The following CNTN4 variants were observed in gnomAD, a reference collection of about 807,000 sequenced individuals.
The protein encoded by CNTN4 is contactin-4.
Under a neutral mutation model 122.5 loss-of-function variants are expected in CNTN4, and 77 were observed. The observed-to-expected ratio is 0.63, with a 90% CI of 0.52 to 0.76. The LOEUF (loss-of-function observed/expected upper bound fraction) is 0.76, where lower values mean the gene tolerates loss of function less well. CNTN4 is among the 30% of genes least tolerant of loss of function. The probability of loss-of-function intolerance (pLI) is 0.00; values close to 1 mark genes in which losing one functional copy is unlikely to be tolerated. For synonymous variants in CNTN4, 512 were observed against 447.0 expected (o/e 1.15, Z -1.83); for missense variants, 1,256 against 1,259.1 (o/e 1.00, Z 0.04).
At chr3:2,529,301 T>C (rs1272672458) in intron 3 of CNTN4, among the ~76,000 whole-genome samples, 1 of 152,184 alleles carries the variant, frequency 6.6e-6, no homozygotes, top group African/African-American at 2.4e-5. Context: ...TTTTTATGGC[T>C]GAATAGTATT....
intron 6 of CNTN4, among the ~76,000 whole-genome samples, chr3:2,778,003 A>T (rs1276906199): frequency 6.6e-6 from 1 of 151,798 alleles, no homozygotes; most frequent in Admixed American, 6.6e-5. Context: ...TCATGAGGTC[A>T]GGAGATCGAG....
intron 13 of CNTN4, among the ~76,000 whole-genome samples, chr3:2,955,452 C>A (rs7645441): frequency 6.6e-6 from 1 of 152,288 alleles, no homozygotes; most frequent in African/African-American, 2.4e-5. Flanking sequence ...GTGTCATCCT[C>A]ATTACCACAA....
chr3:2,766,119 T>C (rs2090846364), intron 6 of CNTN4, among the ~76,000 whole-genome samples: 1 of 152,082 alleles, frequency 6.6e-6, no homozygotes, highest in Admixed American at 6.6e-5. Flanking sequence ...CCTTTGGGGG[T>C]TTGGTTCAAA....
chr3:2,970,665 C>A (rs935226396), intron 13 of CNTN4, among the ~76,000 whole-genome samples: 1 of 152,188 alleles, frequency 6.6e-6, no homozygotes, highest in Non-Finnish European at 1.5e-5. Flanking sequence ...AGGCTGGTCT[C>A]AAACACCTGG....
intron 4 of CNTN4, among the ~76,000 whole-genome samples, chr3:2,639,117 T>A (rs2082791125): frequency 6.6e-6 from 1 of 152,198 alleles, no homozygotes; most frequent in African/African-American, 2.4e-5. Context: ...GAACACAACA[T>A]TCTTTTTTTT....
chr3:2,527,454 C>T (rs1293216874), intron 3 of CNTN4, among the ~76,000 whole-genome samples: 209 of 151,104 alleles, frequency 1.4e-3, no homozygotes, highest in African/African-American at 4.9e-3. Flanking sequence ...ATTGTTGCTG[C>T]GGTTGTTGTG....
Position 2,635,398 on chromosome 3 carries a change from C to T in CNTN4, c.55+63840C>T, listed in dbSNP as rs371474390. Among the ~76,000 whole-genome samples, 15 of 152,298 alleles carry T rather than the reference C, an allele frequency of 9.8e-5. No individual in the cohort carries two copies. In the South Asian group the frequency reaches 1.9e-3, roughly 19 times the overall value. On this transcript the variant is annotated intron_variant, in intron 4 of 24. Transcript: ENST00000418658. ...TAACAATTTTAGCCATGCCTTATCT[C>T]CCATTTAACTGTAATTTGAAAGTGA...
chr3:2,464,220 C>T (rs889893456), intron 3 of CNTN4, among the ~76,000 whole-genome samples: 12 of 152,178 alleles, frequency 7.9e-5, no homozygotes, highest in Admixed American at 1.3e-4. Context: ...CCAAACATAA[C>T]ACACTACTGG....
At chr3:2,118,396 GT>G (rs1326094942) in intron 2 of CNTN4, among the ~76,000 whole-genome samples, 3 of 152,192 alleles carry the variant, frequency 2.0e-5, no homozygotes, top group African/African-American at 7.2e-5. Context: ...ATGTTACTTT[GT>G]GAAGCACATT....
At chr3:2,274,558 C>T (rs1026641646) in intron 2 of CNTN4, among the ~76,000 whole-genome samples, 1 of 151,868 alleles carries the variant, frequency 6.6e-6, no homozygotes, top group Non-Finnish European at 1.5e-5. Context: ...TTTTCTCCCT[C>T]ATAGACAAAT....
At chr3:2,694,796 G>C (rs891909029) in intron 4 of CNTN4, among the ~76,000 whole-genome samples, 9 of 152,142 alleles carry the variant, frequency 5.9e-5, no homozygotes, top group African/African-American at 2.2e-4. Context: ...TAATATCTGA[G>C]CTGTAGCATT....
At chr3:2,611,056 T>C (rs71311715) in intron 4 of CNTN4, among the ~76,000 whole-genome samples, 14,563 of 152,020 alleles carry the variant, frequency 0.096, 940 homozygotes, top group Non-Finnish European at 0.14. Flanking sequence ...TATTATCTCA[T>C]TTGATTCAGG....
chr3:2,565,291 A>C (rs550662376), intron 3 of CNTN4, among the ~76,000 whole-genome samples: 2 of 152,278 alleles, frequency 1.3e-5, no homozygotes, highest in East Asian at 3.9e-4. Flanking sequence ...TAATGATAAA[A>C]ACCAATTAAC....
intron 4 of CNTN4, among the ~76,000 whole-genome samples, chr3:2,623,309 A>G (rs994587588): frequency 2.0e-5 from 3 of 148,378 alleles, no homozygotes; most frequent in Non-Finnish European, 3.0e-5. Context: ...TTCATGGTCC[A>G]TATATTTTTG....
intron 3 of CNTN4, among the ~76,000 whole-genome samples, chr3:2,486,806 G>A (rs72997999): frequency 0.011 from 1,728 of 152,202 alleles, 23 homozygotes; most frequent in Admixed American, 0.032. Context: ...TGGGTAGATT[G>A]GTCATGTTAC....
At chr3:2,853,948 TAAG>T (rs1450139719) in intron 7 of CNTN4, among the ~76,000 whole-genome samples, 2 of 152,178 alleles carry the variant, frequency 1.3e-5, no homozygotes, top group Admixed American at 6.5e-5. Flanking sequence ...GAAGCATTGC[TAAG>T]AAGATGAAAA....
At chr3:2,644,270 T>C (rs1207753361) in intron 4 of CNTN4, among the ~76,000 whole-genome samples, 2 of 152,190 alleles carry the variant, frequency 1.3e-5, no homozygotes, top group Admixed American at 6.5e-5. Context: ...CATCGCCGAG[T>C]TTTATTTTAG....
intron 3 of CNTN4, among the ~76,000 whole-genome samples, chr3:2,445,965 T>C (rs1451549108): frequency 6.6e-6 from 1 of 152,156 alleles, no homozygotes; most frequent in Non-Finnish European, 1.5e-5. Flanking sequence ...TCCTATTCTT[T>C]TTTCTGTTTC....
At chr3:2,466,028 CAA>C (rs2151466335) in intron 3 of CNTN4, among the ~76,000 whole-genome samples, 1 of 152,298 alleles carries the variant, frequency 6.6e-6, no homozygotes, top group African/African-American at 2.4e-5. Flanking sequence ...GGCTGTCTGT[CAA>C]AGATACCAGG....
Sources: allele counts gnomAD v4.1 joint callset (sites outside exome capture counted in the v4.1 genomes callset), GRCh38; gene constraint gnomAD v4.1.1; transcripts MANE v1.5; gene names NCBI Gene and HGNC (gene_info 2026-07-23, HGNC 2026-07-21).